The following MALRD1 variants were observed in gnomAD, a reference collection of about 807,000 sequenced individuals.
MALRD1 encodes MAM and LDL receptor class A domain containing 1, also known as MAM and LDL-receptor class A domain-containing protein 1.
Under a neutral mutation model 242.1 loss-of-function variants are expected in MALRD1, and 247 were observed. The observed-to-expected ratio is 1.02, with a 90% CI of 0.92 to 1.13. The LOEUF (loss-of-function observed/expected upper bound fraction) is 1.13. Ranked by LOEUF, MALRD1 falls within the 50% of genes most tolerant of loss-of-function variation. The pLI is 0.00. For synonymous variants in MALRD1, 995 were observed against 866.6 expected (o/e 1.15, Z -2.60); for missense variants, 2,989 against 2,533.1 (o/e 1.18, Z -3.86).
At chr10:19,546,310 T>G (rs926886866) in intron 32 of MALRD1, among the ~76,000 whole-genome samples, 1 of 152,200 alleles carries the variant, frequency 6.6e-6, no homozygotes, top group East Asian at 1.9e-4. Flanking sequence ...TGTTTTCTAG[T>G]GTGTTTATGT....
chr10:19,447,210 T>G (rs935992036), intron 28 of MALRD1, among the ~76,000 whole-genome samples: 7 of 152,162 alleles, frequency 4.6e-5, no homozygotes, highest in African/African-American at 1.7e-4. Flanking sequence ...TTTCACCTTT[T>G]TGTCCCTGGC....
chr10:19,184,087 C>T (rs1351889888), intron 14 of MALRD1, among the ~76,000 whole-genome samples: 3 of 152,186 alleles, frequency 2.0e-5, no homozygotes, highest in African/African-American at 4.8e-5. Flanking sequence ...CAGGGTGAAT[C>T]ACTGTTGGAT....
At chr10:19,607,116 C>G (rs1043739365) in intron 34 of MALRD1, among the ~76,000 whole-genome samples, 23 of 152,164 alleles carry the variant, frequency 1.5e-4, no homozygotes, top group African/African-American at 5.1e-4. Flanking sequence ...ATTAGCATCT[C>G]TATGCTATTG....
At chr10:19,723,451 A>G (rs972794012) in intron 38 of MALRD1, among the ~76,000 whole-genome samples, 1 of 152,170 alleles carries the variant, frequency 6.6e-6, no homozygotes, top group Admixed American at 6.5e-5. Flanking sequence ...TTTTGAGCTC[A>G]GGTCAGGCAA....
In MALRD1 at chr10:19,498,613, A is replaced by C. The variant is rs767942562; in HGVS notation, c.5287A>C (p.Lys1763Gln). The part of the protein sequence containing the change: ...DWAIGSRIPA[K>Q]ALIPDSDHTP... ...GGCCATTGGCAGCAGAATTCCTGCCAAAGCATTAATTCCAGACTCTGATCA... is the reference window on the plus strand; with the variant it reads ...GGCCATTGGCAGCAGAATTCCTGCCCAAGCATTAATTCCAGACTCTGATCA... The change falls in exon 31 of 40, where the codon AAA becomes CAA. Residue 1763 changes from lysine (K) to glutamine (Q), a missense_variant. Lys to Gln is a moderately conservative substitution (Grantham distance 53, BLOSUM62 1). Transcript: ENST00000454679. 166 of 1,550,208 alleles carry C rather than the reference A, an allele frequency of 1.1e-4. No individual in the cohort carries two copies. Among genetic ancestry groups the C allele is most frequent in the Non-Finnish European group, 7.0e-6 (8 of 1,146,822 alleles).
intron 21 of MALRD1, among the ~76,000 whole-genome samples, chr10:19,283,928 AG>A (rs1840957472): frequency 6.6e-6 from 1 of 152,222 alleles, no homozygotes; most frequent in Non-Finnish European, 1.5e-5. Flanking sequence ...TGCTCTCATT[AG>A]GGAGACAGGC....
intron 29 of MALRD1, among the ~76,000 whole-genome samples, chr10:19,489,766 G>A (rs976096410): frequency 1.3e-5 from 2 of 152,086 alleles, no homozygotes; most frequent in Non-Finnish European, 2.9e-5. Context: ...TGCATCTAAC[G>A]TCTTTAGCAT....
chr10:19,730,820 G>A, intron 39 of MALRD1, 39 bp downstream of exon 39: 1 of 1,486,552 alleles, frequency 6.7e-7, no homozygotes, highest in Non-Finnish European at 9.1e-7. Flanking sequence ...TCACACATAT[G>A]CACACACATA....
At chr10:19,394,453 G>T (rs1367967423) in intron 28 of MALRD1, among the ~76,000 whole-genome samples, 2 of 152,102 alleles carry the variant, frequency 1.3e-5, no homozygotes, top group Non-Finnish European at 2.9e-5. Context: ...TTTTGTTCAA[G>T]AGGCTGTGGA....
At chr10:19,432,752 T>C (rs1834189984) in intron 28 of MALRD1, among the ~76,000 whole-genome samples, 1 of 152,202 alleles carries the variant, frequency 6.6e-6, no homozygotes, top group African/African-American at 2.4e-5. Context: ...TTCTCCAAAG[T>C]GATATTTGAA....
chr10:19,289,419 A>G (rs905295900), intron 21 of MALRD1, among the ~76,000 whole-genome samples: 2 of 152,210 alleles, frequency 1.3e-5, no homozygotes, highest in South Asian at 4.1e-4. Context: ...TTAGTTGCTA[A>G]TTAGCATCAA....
intron 32 of MALRD1, among the ~76,000 whole-genome samples, chr10:19,565,609 A>G (rs1346542983): frequency 6.6e-6 from 1 of 152,180 alleles, no homozygotes; most frequent in Non-Finnish European, 1.5e-5. Flanking sequence ...AATTTTTAAG[A>G]AATGGAAAAG....
chr10:19,482,790 TA>T (rs1837060811), intron 29 of MALRD1, among the ~76,000 whole-genome samples: 2 of 6,464 alleles, frequency 3.1e-4, no homozygotes, highest in Non-Finnish European at 4.4e-4. Flanking sequence ...TAATTATAAA[TA>T]ACATAACACA....
Position 19,498,497 on chromosome 10 carries a change from G to A in MALRD1, c.5171G>A (p.Ser1724Asn), listed in dbSNP as rs901991606. The A allele has an allele frequency of 4.5e-6, 7 of 1,549,676 alleles. No homozygotes were observed. The highest frequency in any genetic ancestry group is 1.4e-5 in the African/African-American group (1 of 73,002). Residue 1724 changes from serine to asparagine, a missense_variant, in exon 31 of 40, where the codon AGC becomes AAC. Transcript: ENST00000454679. ...TTTGCTTCCCCAGCACATTATACAA[G>A]CACAACAGGAAGCTGCAATTTTGAA... ...SDEAHCAHYT[S>N]TTGSCNFETS...
chr10:19,240,313 G>A (rs1042988337), intron 18 of MALRD1, among the ~76,000 whole-genome samples: 1 of 151,886 alleles, frequency 6.6e-6, no homozygotes, highest in African/African-American at 2.4e-5. Context: ...AAACACCACT[G>A]AATTTTCTGT....
chr10:19,238,463 A>ATTATGT lies in MALRD1; in HGVS notation c.2992-19221_2992-19220insTTATGT, dbSNP rs1554817755. Among the ~76,000 whole-genome samples, 3 of 36,980 alleles carry ATTATGT rather than the reference A, an allele frequency of 8.1e-5. No individual in the cohort carries two copies. The South Asian group carries it at 2.2e-3, about 27-fold the overall frequency. The allele number at this position is 36,980 out of a possible 152,430, so 24.3% of individuals were successfully genotyped here. A position where few individuals can be genotyped will look rare whatever the true frequency, so the allele number is the denominator to read the frequency against. ...ATAATATACATTATATATAATATAT[A>ATTATGT]ATATAATATATAATATACATTATAT... On this transcript the variant is annotated intron_variant, in intron 18 of 39. Coordinates refer to ENST00000454679, the MANE Select transcript of MALRD1 (RefSeq NM_001142308.3).
At chr10:19,615,958 T>C (rs933898662) in intron 36 of MALRD1, 35 bp downstream of exon 36, 13 of 1,469,152 alleles carry the variant, frequency 8.8e-6, no homozygotes, top group Non-Finnish European at 1.1e-5. Context: ...TTTTTAAGAT[T>C]TTTTGGAGTT....
At chr10:19,731,574 A>G (rs1023973739) in intron 39 of MALRD1, among the ~76,000 whole-genome samples, 9 of 152,062 alleles carry the variant, frequency 5.9e-5, no homozygotes, top group African/African-American at 2.2e-4. Flanking sequence ...ACACATTATT[A>G]TAGTCACATG....
intron 21 of MALRD1, among the ~76,000 whole-genome samples, chr10:19,306,221 T>C (rs1478700874): frequency 9.8e-6 from 1 of 102,326 alleles, no homozygotes; most frequent in Non-Finnish European, 2.1e-5. Flanking sequence ...TACACACACA[T>C]ACTATATATA....
Sources: gnomAD v4.1 joint callset for allele counts (sites outside exome capture counted in the v4.1 genomes callset) on GRCh38, gnomAD v4.1.1 for gene constraint, MANE v1.5 for transcripts, NCBI Gene and HGNC (gene_info 2026-07-23, HGNC 2026-07-21) for gene names.